The following RXFP1 variants were observed in gnomAD, a reference collection of about 807,000 sequenced individuals.
The protein encoded by RXFP1 is relaxin family peptide receptor 1.
In RXFP1, 73 loss-of-function variants were observed where a neutral mutation model predicts 89.8. The observed-to-expected ratio is 0.81, with a 90% CI of 0.67 to 0.99. The LOEUF is 0.99. RXFP1 is among the 50% of genes least tolerant of loss of function. RXFP1 has a pLI of 0.00. For synonymous variants in RXFP1, 277 were observed against 305.5 expected (o/e 0.91, Z 0.97); for missense variants, 793 against 895.5 (o/e 0.89, Z 1.46).
chr4:158,644,753 G>A (rs1392226957), intron 14 of RXFP1, among the ~76,000 whole-genome samples, 156 bp from the exon 15 acceptor site: 2 of 152,218 alleles, frequency 1.3e-5, no homozygotes, highest in Admixed American at 6.5e-5. Context: ...ATAATTGGAT[G>A]TAAGTTTAAA....
At chr4:158,621,613 A>C (rs1292614317) in intron 9 of RXFP1, among the ~76,000 whole-genome samples, 2 of 152,192 alleles carry the variant, frequency 1.3e-5, no homozygotes, top group African/African-American at 2.4e-5. Context: ...CACAAAAAAA[A>C]CCTGAGGTGA....
At chr4:158,606,003 A>C (rs1762479619) in intron 5 of RXFP1, among the ~76,000 whole-genome samples, 1 of 152,230 alleles carries the variant, frequency 6.6e-6, no homozygotes, top group Admixed American at 6.5e-5. Flanking sequence ...ATGTTCTAAA[A>C]ACCCAGATAG....
intron 9 of RXFP1, among the ~76,000 whole-genome samples, chr4:158,620,445 C>T (rs58408243): frequency 1.8e-3 from 281 of 152,012 alleles, no homozygotes; most frequent in African/African-American, 6.3e-3. Context: ...ATGCAACAAA[C>T]CAGAAATCTA....
chr4:158,555,944 G>T (rs946215639), intron 1 of RXFP1, among the ~76,000 whole-genome samples: 1 of 152,092 alleles, frequency 6.6e-6, no homozygotes, highest in African/African-American at 2.4e-5. Context: ...ATGAATTCAA[G>T]ACTTAAATGT....
At position 158,543,824 on chromosome 4, in the gene RXFP1, A is replaced by G. The variant is rs185012135; in HGVS notation, c.49+21799A>G. 8.1e-6 allele frequency: 8 copies of G among 985,364 alleles called. 1 individual carries two copies. In the East Asian group the frequency reaches 9.1e-4, roughly 112 times the overall value. The allele number at this position is 985,364 out of a possible 1,614,324, so 61.0% of individuals were successfully genotyped here. On this transcript the variant is annotated intron_variant, in intron 1 of 17. Coordinates refer to ENST00000307765, the MANE Select transcript of RXFP1 (RefSeq NM_021634.4). ...CTGGTACTGCCTCTTCCTTCGACAC[A>G]GAAGAAAACCTAAAATCCAGTAAGA...
intron 12 of RXFP1, among the ~76,000 whole-genome samples, chr4:158,635,798 C>G (rs989929769): frequency 1.3e-5 from 2 of 151,990 alleles, no homozygotes; most frequent in African/African-American, 4.8e-5. Context: ...CCTTCCATCC[C>G]CCATGTAACT....
At chr4:158,567,968 C>T (rs1754021432) in intron 1 of RXFP1, among the ~76,000 whole-genome samples, 1 of 152,222 alleles carries the variant, frequency 6.6e-6, no homozygotes, top group Non-Finnish European at 1.5e-5. Flanking sequence ...TTTGGATTCA[C>T]ACTGCTTTTA....
intron 1 of RXFP1, among the ~76,000 whole-genome samples, chr4:158,540,694 A>C (rs1398253803): frequency 6.6e-6 from 1 of 151,410 alleles, no homozygotes; most frequent in Non-Finnish European, 1.5e-5. Flanking sequence ...AAGAAACTGA[A>C]GTTCAAGAAA....
At chr4:158,637,805 C>G (rs1769496298) in intron 12 of RXFP1, among the ~76,000 whole-genome samples, 2 of 152,128 alleles carry the variant, frequency 1.3e-5, no homozygotes, top group African/African-American at 4.8e-5. Flanking sequence ...AAAAAATCAT[C>G]ACCCAGGTTA....
chr4:158,571,407 T>C (rs1296211597), intron 1 of RXFP1, among the ~76,000 whole-genome samples: 1 of 152,126 alleles, frequency 6.6e-6, no homozygotes, highest in African/African-American at 2.4e-5. Context: ...TGGCTCACAC[T>C]TGTAATCCCA....
chr4:158,548,738 G>A (rs1301529866), intron 1 of RXFP1, among the ~76,000 whole-genome samples: 2 of 152,124 alleles, frequency 1.3e-5, no homozygotes, highest in Admixed American at 1.3e-4. Context: ...ATGAAATTCT[G>A]GGTTGAAAAT....
rs190973781 is a variant in RXFP1 at position 158,634,473 on chromosome 4, C to T, written c.971+997C>T. Among the ~76,000 whole-genome samples, 7 of 152,282 alleles carry T rather than the reference C, an allele frequency of 4.6e-5. No individual in the cohort carries two copies. In the East Asian group the frequency reaches 9.6e-4, roughly 21 times the overall value. ...CAAATATTTTCTCCCATTGTATGGG[C>T]TGCCTTTTCACTCTATTATGGTGTC... On this transcript the variant is annotated intron_variant, in intron 12 of 17. Coordinates refer to ENST00000307765, the MANE Select transcript of RXFP1 (RefSeq NM_021634.4).
chr4:158,542,127 A>C (rs1553994142), intron 1 of RXFP1, among the ~76,000 whole-genome samples: 3 of 58,754 alleles, frequency 5.1e-5, no homozygotes, highest in Non-Finnish European at 7.6e-5. Flanking sequence ...TTTAGTAGAG[A>C]CAGGGTTTCA....
In RXFP1 at chr4:158,546,802, C is replaced by G. The variant is rs867259538; in HGVS notation, c.49+24777C>G. ...CCTTGCATCCCAGGGATGAAGCCCA[C>G]TTGATCATGGTGGATAAGCTTTTTG... On this transcript the variant is annotated intron_variant, in intron 1 of 17. Coordinates refer to ENST00000307765, the MANE Select transcript of RXFP1 (RefSeq NM_021634.4). Among the ~76,000 whole-genome samples, 24 of 151,862 alleles carry G rather than the reference C, an allele frequency of 1.6e-4. 1 individual carries two copies. The highest frequency in any genetic ancestry group is 5.8e-4 in the African/African-American group (24 of 41,374).
intron 1 of RXFP1, among the ~76,000 whole-genome samples, chr4:158,550,978 A>G (rs373186541): frequency 1.3e-5 from 2 of 152,238 alleles, no homozygotes; most frequent in South Asian, 4.1e-4. Context: ...GCTCTAAAAC[A>G]TGAAGAAAAA....
intron 2 of RXFP1, 25 bp downstream of exon 2, chr4:158,572,860 G>A (rs768999539): frequency 6.2e-7 from 1 of 1,612,864 alleles, no homozygotes; most frequent in Non-Finnish European, 8.5e-7. Flanking sequence ...TGCAGTCACG[G>A]TGAGAGAAAG....
chr4:158,650,671 G>A (rs570282236), intron 17 of RXFP1, among the ~76,000 whole-genome samples: 2 of 152,092 alleles, frequency 1.3e-5, no homozygotes, highest in Admixed American at 6.5e-5. Context: ...TTGGGAGGCT[G>A]AGGCATGAGA....
intron 1 of RXFP1, among the ~76,000 whole-genome samples, chr4:158,522,318 T>C (rs936725171): frequency 6.6e-6 from 1 of 152,072 alleles, no homozygotes; most frequent in Non-Finnish European, 1.5e-5. Flanking sequence ...ATTTAAAGAG[T>C]AGTAATTCTT....
At chr4:158,578,600 C>A (rs575631108) in intron 2 of RXFP1, among the ~76,000 whole-genome samples, 1 of 152,142 alleles carries the variant, frequency 6.6e-6, no homozygotes, top group Non-Finnish European at 1.5e-5. Flanking sequence ...AAACTCTTTA[C>A]GTTTCTAGAT....
Sources: allele counts gnomAD v4.1 joint callset (sites outside exome capture counted in the v4.1 genomes callset), GRCh38; gene constraint gnomAD v4.1.1; transcripts MANE v1.5; gene names NCBI Gene and HGNC (gene_info 2026-07-23, HGNC 2026-07-21).